POMT1: variants seen among roughly 807,000 people sequenced by gnomAD.
The protein encoded by POMT1 is protein O-mannosyl-transferase 1.
Under a neutral mutation model 101.6 loss-of-function variants are expected in POMT1, and 85 were observed. The observed-to-expected ratio is 0.84, with a 90% CI of 0.70 to 1.00. POMT1 has a LOEUF of 1.00. Among genes scored for constraint, POMT1 ranks in the 50% least tolerant of loss-of-function variants. POMT1 has a pLI of 0.00. For missense variants in POMT1, 857 were observed against 930.4 expected, an observed-to-expected ratio of 0.92 and a Z score of 1.03; for synonymous variants, 371 against 383.0, an observed-to-expected ratio of 0.97 and a Z score of 0.37.
At chr9:131,509,617 C>T in intron 6 of POMT1, 126 bp from the exon 7 acceptor site, 7 of 1,571,136 alleles carry the variant, frequency 4.5e-6, no homozygotes, top group Non-Finnish European at 6.1e-6. Context: ...TTCTTTCTTA[C>T]TGCCCCTGTG....
At chr9:131,512,920 C>T (rs887149598) in intron 11 of POMT1, among the ~76,000 whole-genome samples, 3 of 146,454 alleles carry the variant, frequency 2.0e-5, no homozygotes, top group African/African-American at 7.5e-5. Context: ...CCCCCTCATA[C>T]ACTTTCATTG....
Position 131,519,033 on chromosome 9 carries a change from TCTC to T in POMT1, c.1486+77_1486+79del. On this transcript the variant is annotated intron_variant, in intron 15 of 19. Coordinates refer to ENST00000402686, the MANE Select transcript of POMT1 (RefSeq NM_001077365.2). This position sits in a 1 kb window ranked among gnomAD's most constrained non-coding sequence, Gnocchi z 4.3. ...TCAATATTTGATAACACCCCAGAGT[TCTC>T]ATTTTGGTGGGAAGGGAACTGAGCA... 1 of 1,601,246 alleles carries T rather than the reference TCTC, an allele frequency of 6.2e-7. No individual in the cohort carries two copies. The highest frequency in any genetic ancestry group is 2.2e-5 in the East Asian group (1 of 44,666).
intron 12 of POMT1, among the ~76,000 whole-genome samples, chr9:131,515,013 G>C (rs1199417603): frequency 1.3e-5 from 2 of 152,240 alleles, no homozygotes; most frequent in African/African-American, 4.8e-5. Context: ...TTTTCTCCCA[G>C]CTTATCTGCT....
In POMT1 at chr9:131,523,584, A is replaced by C; in HGVS notation, c.*478A>C. On this transcript the variant is annotated 3_prime_UTR_variant, in exon 20 of 20. Coordinates refer to ENST00000402686, the MANE Select transcript of POMT1 (RefSeq NM_001077365.2). ...TGGGACAGCTCAGTGTTGGAGGGCC[A>C]CCTGAACCACGAGCCAGGGCTGGGG... is the stretch of plus-strand genomic sequence containing the variant. 9.2e-6 allele frequency: 2 copies of C among 217,986 alleles called. No individual in the cohort carries two copies. Among genetic ancestry groups the C allele is most frequent in the Non-Finnish European group, 1.9e-5 (2 of 107,432 alleles). The allele number at this position is 217,986 out of a possible 1,614,324, so 13.5% of individuals were successfully genotyped here.
In POMT1 at chr9:131,508,380, A is replaced by T. The variant is rs570495963; in HGVS notation, c.428-531A>T. Among the ~76,000 whole-genome samples the T allele has an allele frequency of 2.6e-4, 39 of 151,776 alleles. No homozygotes were observed. The South Asian group carries it at 7.9e-3, about 31-fold the overall frequency. ...ACCCCATCTCTACTAAAAATACAAA[A>T]ATTAGCTGGGCATGGTGGCACCCAC... On this transcript the variant is annotated intron_variant, in intron 5 of 19. Transcript: ENST00000402686.
chr9:131,511,669 G>A (rs552943048), intron 10 of POMT1: 22 of 674,152 alleles, frequency 3.3e-5, no homozygotes, highest in Admixed American at 2.8e-4. Context: ...GCCCAGGGTC[G>A]GCCCCAGCTC....
rs28447664 is a variant in POMT1, at chr9:131,509,126, A to G, written c.539+104A>G. On this transcript the variant is annotated intron_variant, in intron 6 of 19. Transcript: ENST00000402686. ...CTTTTTTTGTTTCGTTTTGTGAGAC[A>G]GTACCTTTTCATTTTGAGGAGTTGC... 739,592 of 794,892 alleles carry G rather than the reference A, an allele frequency of 0.93. 345,731 individuals carry two copies. The highest frequency in any genetic ancestry group is 0.97 in the South Asian group (67,761 of 69,810). The allele number at this position is 794,892 out of a possible 1,614,324, so 49.2% of individuals were successfully genotyped here.
Position 131,519,983 on chromosome 9 carries a change from C to A in POMT1, c.1585-97C>A. The A allele has an allele frequency of 1.1e-6, 1 of 893,920 alleles. No homozygotes were observed. Among genetic ancestry groups the A allele is most frequent in the Non-Finnish European group, 1.8e-6 (1 of 551,450 alleles). 55.4% of individuals were successfully genotyped at this position (893,920 alleles called of 1,614,324 possible). On this transcript the variant is annotated intron_variant, in intron 16 of 19. Transcript: ENST00000402686. The surrounding 1 kb of genome is among the most constrained non-coding windows in gnomAD (Gnocchi z 4.3). ...CGAATGAACTTGAGCTGGGCCAGTC[C>A]ACGTGCAAGGGGCAGCAGTGTACTC...
At chr9:131,518,564 T>C in intron 14 of POMT1, 27 bp downstream of exon 14, 1 of 1,582,826 alleles carries the variant, frequency 6.3e-7, no homozygotes. Flanking sequence ...TGGCTTGGCC[T>C]GTCCTGAGCT....
intron 12 of POMT1, among the ~76,000 whole-genome samples, chr9:131,515,044 C>T (rs187766791): frequency 1.1e-4 from 17 of 152,370 alleles, no homozygotes; most frequent in Admixed American, 4.6e-4. Flanking sequence ...GCCAGCTGGG[C>T]GCAGGGGCGG....
At position 131,515,430 on chromosome 9, in the gene POMT1, G is replaced by A; in HGVS notation, c.1180G>A (p.Asp394Asn). 1 of 1,614,190 alleles carries A rather than the reference G, an allele frequency of 6.2e-7. No homozygotes were observed. Among genetic ancestry groups the A allele is most frequent in the South Asian group, 1.1e-5 (1 of 91,090 alleles). The change falls in exon 13 of 20, where the codon GAT becomes AAT. Residue 394 changes from aspartate (D) to asparagine (N), a missense_variant. By Grantham distance (23) the Asp-to-Asn change is conservative. Transcript: ENST00000402686. ...ATCTCGGTCTTGGTTTTCCAGGCAT[G>A]ATGTTGCAGCCCCCCTGAGCCCCCA... is the stretch of plus-strand genomic sequence containing the variant. ...GMTTRSLNTH[D>N]VAAPLSPHSQ...
chr9:131,510,222 AC>A, intron 8 of POMT1, 37 bp from the exon 9 acceptor site: 1 of 1,614,046 alleles, frequency 6.2e-7, no homozygotes, highest in Non-Finnish European at 8.5e-7. Flanking sequence ...ACGCTTTTCC[AC>A]GCAGTGGAAC....
rs1950296107 is a variant in POMT1 at position 131,523,094 on chromosome 9, C to T, written c.2166C>T (p.Ile722=). The T allele has an allele frequency of 6.2e-7, 1 of 1,611,100 alleles. No homozygotes were observed. Among genetic ancestry groups the T allele is most frequent in the East Asian group, 2.2e-5 (1 of 44,878 alleles). Residue 722 remains isoleucine (I), a synonymous_variant, in exon 20 of 20, where the codon ATC becomes ATT. Coordinates refer to ENST00000402686, the MANE Select transcript of POMT1 (RefSeq NM_001077365.2). ...LRWKDSWDIL[I]RKH Reference sequence around the variant, plus strand: ...GGAAAGACAGCTGGGACATCTTGATCCGAAAACACTAGAACAAGAGTGTGG... The same window carrying T: ...GGAAAGACAGCTGGGACATCTTGATTCGAAAACACTAGAACAAGAGTGTGG...
intron 13 of POMT1, among the ~76,000 whole-genome samples, chr9:131,517,718 G>A (rs933520904): frequency 1.3e-5 from 2 of 152,140 alleles, no homozygotes; most frequent in South Asian, 2.1e-4. Flanking sequence ...CCCTTCTCAC[G>A]GGCACCCTTC....
At chr9:131,508,068 A>AT (rs1180694027) in intron 5 of POMT1, among the ~76,000 whole-genome samples, 2 of 149,928 alleles carry the variant, frequency 1.3e-5, no homozygotes, top group Non-Finnish European at 3.0e-5. Flanking sequence ...CTGTCTAAAA[A>AT]TAACGAAAAA....
intron 13 of POMT1, among the ~76,000 whole-genome samples, chr9:131,517,550 A>T (rs1456939957): frequency 6.6e-6 from 1 of 152,098 alleles, no homozygotes; most frequent in African/African-American, 2.4e-5. Context: ...AGTCGCTGGG[A>T]TGACAAGTGT....
chr9:131,507,646 C>A lies in POMT1; in HGVS notation c.427+132C>A, dbSNP rs558333116. 2.5e-5 allele frequency: 32 copies of A among 1,301,048 alleles called. No individual in the cohort carries two copies. In the Admixed American group the frequency reaches 5.1e-4, roughly 21 times the overall value. The allele number at this position is 1,301,048 out of a possible 1,614,324, so 80.6% of individuals were successfully genotyped here. ...TCTGGTTCATCCAAATTTGACGCTG[C>A]AAGTCACCCGCTCCCAGGCTGACCC... On this transcript the variant is annotated intron_variant, in intron 5 of 19. Transcript: ENST00000402686.
intron 9 of POMT1, chr9:131,511,010 T>TCGC: frequency 3.4e-6 from 1 of 292,190 alleles, no homozygotes; most frequent in Non-Finnish European, 6.5e-6. Context: ...AGCAAGTTGT[T>TCGC]TGGCTCACCC....
chr9:131,516,866 G>A (rs1217557081), intron 13 of POMT1: 1 of 152,320 alleles, frequency 6.6e-6, no homozygotes, highest in Non-Finnish European at 1.5e-5. Context: ...CCTGGGGACA[G>A]GCTTAGCCGT....
Sources: allele counts gnomAD v4.1 joint callset (sites outside exome capture counted in the v4.1 genomes callset), GRCh38; gene constraint gnomAD v4.1.1; non-coding constraint Gnocchi (gnomAD v3.1); transcripts MANE v1.5; gene names NCBI Gene and HGNC (gene_info 2026-07-23, HGNC 2026-07-21).